The following RGS7 variants were observed in gnomAD, a reference collection of about 807,000 sequenced individuals.
The protein encoded by RGS7 is regulator of G-protein signaling 7.
Under a neutral mutation model 81.1 loss-of-function variants are expected in RGS7, and 27 were observed. The ratio of observed to expected loss-of-function variants is 0.33; its 90% CI spans 0.25 to 0.46. The LOEUF is 0.46. RGS7 is among the 20% of genes least tolerant of loss of function. The pLI, the probability that RGS7 is intolerant of heterozygous loss-of-function variation, is 1.00. For synonymous variants in RGS7, 208 were observed against 207.7 expected, an observed-to-expected ratio of 1.00 and a Z score of -0.01; for missense variants, 396 against 607.4, an observed-to-expected ratio of 0.65 and a Z score of 3.66.
chr1:241,055,922 C>T (rs887547818), intron 3 of RGS7, among the ~76,000 whole-genome samples: 1 of 152,146 alleles, frequency 6.6e-6, no homozygotes, highest in African/African-American at 2.4e-5. Flanking sequence ...TGCTAGAAAA[C>T]AAGAGGAATG....
intron 3 of RGS7, among the ~76,000 whole-genome samples, chr1:241,019,283 T>C (rs932064258): frequency 6.6e-6 from 1 of 152,206 alleles, no homozygotes; most frequent in Non-Finnish European, 1.5e-5. Flanking sequence ...CTTTCTGTAC[T>C]GTATCTCTCT....
chr1:240,944,309 T>C (rs1190337978), intron 4 of RGS7, among the ~76,000 whole-genome samples: 2 of 132,018 alleles, frequency 1.5e-5, no homozygotes, highest in Non-Finnish European at 3.2e-5. Context: ...TATATATATA[T>C]ATATATATAT....
At chr1:241,011,865 A>G (rs1195522415) in intron 3 of RGS7, among the ~76,000 whole-genome samples, 4 of 152,118 alleles carry the variant, frequency 2.6e-5, no homozygotes, top group Non-Finnish European at 4.4e-5. Context: ...ATATATATCT[A>G]TCTATAAACT....
chr1:240,793,828 G>A (rs1280164172), intron 18 of RGS7, among the ~76,000 whole-genome samples: 2 of 151,510 alleles, frequency 1.3e-5, no homozygotes, highest in African/African-American at 2.4e-5. Context: ...TAGCCAGGAT[G>A]GTCTCGATCT....
At chr1:241,308,093 T>C (rs2080283970) in intron 2 of RGS7, among the ~76,000 whole-genome samples, 2 of 152,148 alleles carry the variant, frequency 1.3e-5, no homozygotes, top group Non-Finnish European at 2.9e-5. Flanking sequence ...ATCTTTATTC[T>C]TTTTTAAGGG....
At chr1:240,897,142 CTT>C (rs1169654067) in intron 6 of RGS7, among the ~76,000 whole-genome samples, 2 of 152,174 alleles carry the variant, frequency 1.3e-5, no homozygotes, top group Non-Finnish European at 2.9e-5. Flanking sequence ...TATCCTGAGA[CTT>C]TGCTCAATTT....
chr1:241,288,340 C>A (rs370378896), intron 2 of RGS7, among the ~76,000 whole-genome samples: 1 of 152,306 alleles, frequency 6.6e-6, no homozygotes, highest in East Asian at 1.9e-4. Context: ...GACTCCAGCT[C>A]TGTGCTACTC....
At chr1:240,950,880 C>T (rs1291363612) in intron 4 of RGS7, among the ~76,000 whole-genome samples, 1 of 152,102 alleles carries the variant, frequency 6.6e-6, no homozygotes, top group African/African-American at 2.4e-5. Context: ...GGCCTGAGTT[C>T]CCATTACCTA....
intron 2 of RGS7, among the ~76,000 whole-genome samples, chr1:241,123,513 T>G (rs537718381): frequency 4.6e-5 from 7 of 152,252 alleles, no homozygotes; most frequent in Admixed American, 2.0e-4. Flanking sequence ...CACTTTGGGA[T>G]GCCAAGGCGG....
At chr1:240,828,193 G>C (rs370629574) in intron 9 of RGS7, among the ~76,000 whole-genome samples, 2 of 152,268 alleles carry the variant, frequency 1.3e-5, no homozygotes, top group East Asian at 1.9e-4. Flanking sequence ...GCAGCCTGCT[G>C]TTAGCTTCCT....
rs991448054 is a variant in RGS7, at chr1:241,200,112, C to G, written c.79-101350G>C. ...AAAGCCTTGGTTCCTTCAGTTAAGG[C>G]GACCACTGAAGTTAATCTCATGTGA... On this transcript the variant is annotated intron_variant, in intron 2 of 18. Transcript: ENST00000440928. Among the ~76,000 whole-genome samples, 7 of 152,068 alleles carry G rather than the reference C, an allele frequency of 4.6e-5. 1 individual carries two copies. The highest frequency in any genetic ancestry group is 3.3e-4 in the Admixed American group (5 of 15,274).
intron 9 of RGS7, among the ~76,000 whole-genome samples, chr1:240,867,497 T>C (rs1663527709): frequency 6.6e-6 from 1 of 152,192 alleles, no homozygotes; most frequent in Non-Finnish European, 1.5e-5. Flanking sequence ...ACTGTTTAAT[T>C]TCATCCATAA....
At chr1:240,936,440 G>T (rs1256568042) in intron 5 of RGS7, among the ~76,000 whole-genome samples, 160 bp downstream of exon 5, 1 of 152,130 alleles carries the variant, frequency 6.6e-6, no homozygotes, top group African/African-American at 2.4e-5. Flanking sequence ...TGTGTTTATT[G>T]CTTTTTATGT....
chr1:241,303,569 T>C (rs2079900618), intron 2 of RGS7, among the ~76,000 whole-genome samples: 1 of 152,238 alleles, frequency 6.6e-6, no homozygotes, highest in Non-Finnish European at 1.5e-5. Flanking sequence ...ATGTCTACTC[T>C]ACACAATGGT....
intron 6 of RGS7, among the ~76,000 whole-genome samples, chr1:240,891,917 G>T (rs893862225): frequency 3.3e-5 from 5 of 152,174 alleles, no homozygotes; most frequent in African/African-American, 1.2e-4. Flanking sequence ...AAAAGGGTTG[G>T]CGAAAGTTTT....
chr1:240,793,130 T>A (rs943507307), intron 18 of RGS7, among the ~76,000 whole-genome samples: 41 of 152,164 alleles, frequency 2.7e-4, no homozygotes, highest in African/African-American at 9.9e-4. Flanking sequence ...GTGGGGAGTG[T>A]CTACTCAGCA....
chr1:240,930,526 C>T (rs1675256121), intron 6 of RGS7, among the ~76,000 whole-genome samples, 191 bp downstream of exon 6: 1 of 151,960 alleles, frequency 6.6e-6, no homozygotes, highest in Non-Finnish European at 1.5e-5. Flanking sequence ...GGCACCATAC[C>T]ACAGAGAAAG....
intron 2 of RGS7, among the ~76,000 whole-genome samples, chr1:241,268,200 C>A (rs1485030811): frequency 6.6e-6 from 1 of 152,196 alleles, no homozygotes; most frequent in Non-Finnish European, 1.5e-5. Context: ...ACCTGCCATT[C>A]AGCATTCTGG....
intron 3 of RGS7, among the ~76,000 whole-genome samples, chr1:241,082,760 G>A (rs913330658): frequency 8.5e-5 from 13 of 152,158 alleles, no homozygotes; most frequent in African/African-American, 3.1e-4. Flanking sequence ...TATTTAAAGT[G>A]ATGGATATCC....
Sources: allele counts gnomAD v4.1 joint callset (sites outside exome capture counted in the v4.1 genomes callset), GRCh38; gene constraint gnomAD v4.1.1; transcripts MANE v1.5; gene names NCBI Gene and HGNC (gene_info 2026-07-23, HGNC 2026-07-21).